PRKAA2: variants seen among roughly 807,000 people sequenced by gnomAD.
The protein encoded by PRKAA2 is 5'-AMP-activated protein kinase catalytic subunit alpha-2.
PRKAA2 carries 40 observed loss-of-function variants against 56.3 expected under a neutral mutation model. That is an observed-to-expected ratio of 0.71 (90% CI 0.55 to 0.92). The LOEUF is 0.92. Ranked by LOEUF, PRKAA2 falls within the 40% of genes least tolerant of loss-of-function variation. The pLI, the probability that PRKAA2 is intolerant of heterozygous loss-of-function variation, is 0.00. For synonymous variants in PRKAA2, 214 were observed against 234.2 expected, an observed-to-expected ratio of 0.91 and a Z score of 0.79; for missense variants, 542 against 686.9, an observed-to-expected ratio of 0.79 and a Z score of 2.36.
At chr1:56,686,048 T>A (rs1483807512) in intron 2 of PRKAA2, among the ~76,000 whole-genome samples, 1 of 152,206 alleles carries the variant, frequency 6.6e-6, no homozygotes, top group East Asian at 1.9e-4. Context: ...CAATGTGAAA[T>A]GATGACTGAA....
chr1:56,655,280 A>ATATATTTTTTTT, intron 1 of PRKAA2, among the ~76,000 whole-genome samples: 40 of 93,652 alleles, frequency 4.3e-4, no homozygotes, highest in South Asian at 4.2e-3. Context: ...ATATATATAT[A>ATATATTTTTTTT]TTTTTTTTTT....
intron 1 of PRKAA2, among the ~76,000 whole-genome samples, chr1:56,666,833 C>A (rs1644039751): frequency 6.6e-6 from 1 of 152,108 alleles, no homozygotes; most frequent in African/African-American, 2.4e-5. Context: ...ATTCTGATTA[C>A]CTTCTTACTC....
chr1:56,696,247 G>A, intron 6 of PRKAA2, 88 bp downstream of exon 6: 1 of 1,248,600 alleles, frequency 8.0e-7, no homozygotes, highest in Non-Finnish European at 1.1e-6. Flanking sequence ...CTCATTTCCT[G>A]CCCTCACCAC....
chr1:56,671,622 A>G (rs1207034151), intron 1 of PRKAA2, among the ~76,000 whole-genome samples: 1 of 152,228 alleles, frequency 6.6e-6, no homozygotes, highest in Admixed American at 6.5e-5. Flanking sequence ...TGCAAAAGTT[A>G]TTAAGATAAA....
chr1:56,695,278 A>G (rs1470531408), intron 5 of PRKAA2, among the ~76,000 whole-genome samples: 1 of 151,000 alleles, frequency 6.6e-6, no homozygotes, highest in Non-Finnish European at 1.5e-5. Flanking sequence ...TCACTGTACC[A>G]CCTCCTGGGC....
chr1:56,675,231 C>T (rs975158057), intron 2 of PRKAA2, among the ~76,000 whole-genome samples: 5 of 152,104 alleles, frequency 3.3e-5, no homozygotes, highest in African/African-American at 7.2e-5. Context: ...GAAAATGTAA[C>T]GTGCTAGACA....
chr1:56,691,594 G>A, intron 3 of PRKAA2, 107 bp downstream of exon 3: 2 of 752,464 alleles, frequency 2.7e-6, no homozygotes, highest in Non-Finnish European at 2.0e-6. Flanking sequence ...TTGCTTTTAT[G>A]GTAGTGCTCA....
Position 56,674,392 on chromosome 1 carries a change from C to T in PRKAA2, c.106C>T (p.Gln36Ter). Residue 36 changes from glutamine to a stop codon, truncating the protein, a stop_gained, in exon 2 of 9, where the codon CAA (glutamine) becomes TAA (stop). Coordinates refer to ENST00000371244, the MANE Select transcript of PRKAA2 (RefSeq NM_006252.4). LOFTEE classifies it high-confidence loss of function. ...TFGKVKIGEH[Q>*]LTGHKVAVKI... ...TTTCTTTTCTTTAGTTGGAGAACAT[C>T]AATTAACAGGCCATAAAGTGGCAGT... 1.3e-6 allele frequency: 2 copies of T among 1,552,904 alleles called. No homozygotes were observed. Among genetic ancestry groups the T allele is most frequent in the Non-Finnish European group, 1.7e-6 (2 of 1,154,900 alleles).
chr1:56,664,448 T>C (rs1644018812), intron 1 of PRKAA2, among the ~76,000 whole-genome samples: 1 of 147,764 alleles, frequency 6.8e-6, no homozygotes, highest in African/African-American at 2.5e-5. Flanking sequence ...ATTTTTTAAA[T>C]ATTTTTCTTT....
intron 2 of PRKAA2, among the ~76,000 whole-genome samples, chr1:56,687,690 A>G (rs553337709): frequency 1.3e-5 from 2 of 152,216 alleles, no homozygotes; most frequent in Non-Finnish European, 2.9e-5. Context: ...CTACATTTCT[A>G]TGTAACTGAG....
intron 2 of PRKAA2, among the ~76,000 whole-genome samples, chr1:56,676,513 C>A (rs184316574): frequency 7.0e-4 from 107 of 152,298 alleles, no homozygotes; most frequent in Non-Finnish European, 8.7e-4. Context: ...CACAGCTCTG[C>A]TGGCACCTTG....
At chr1:56,664,898 A>G (rs1324541345) in intron 1 of PRKAA2, among the ~76,000 whole-genome samples, 4 of 151,790 alleles carry the variant, frequency 2.6e-5, no homozygotes, top group Non-Finnish European at 2.9e-5. Flanking sequence ...ACACATATAT[A>G]CATACATACA....
At chr1:56,686,678 A>G (rs1018509823) in intron 2 of PRKAA2, among the ~76,000 whole-genome samples, 4 of 152,104 alleles carry the variant, frequency 2.6e-5, no homozygotes, top group African/African-American at 4.8e-5. Context: ...GAACTGAGCA[A>G]GAATTCACTT....
intron 2 of PRKAA2, among the ~76,000 whole-genome samples, chr1:56,678,159 T>C (rs1644126890): frequency 6.6e-6 from 1 of 152,264 alleles, no homozygotes; most frequent in Admixed American, 6.5e-5. Flanking sequence ...AACTTTTGGC[T>C]TCCAGCCTTG....
rs980952051 is a variant in PRKAA2, at chr1:56,711,308, A to G, written c.*3595A>G. The G allele has an allele frequency of 2.6e-5, 4 of 152,122 alleles. No individual in the cohort carries two copies. Among genetic ancestry groups the G allele is most frequent in the Admixed American group, 6.6e-5 (1 of 15,262 alleles). The allele number at this position is 152,122 out of a possible 1,614,324, so 9.4% of individuals were successfully genotyped here. A position where few individuals can be genotyped will look rare whatever the true frequency, so the allele number is the denominator to read the frequency against. ...TTAAATGAGACATAGTTTAGAAAAA[A>G]TCATAAGCAACTATTGTAGATTTTT... On this transcript the variant is annotated 3_prime_UTR_variant, in exon 9 of 9. Transcript: ENST00000371244.
In PRKAA2 at chr1:56,706,114, G is replaced by C; in HGVS notation, c.1316G>C (p.Arg439Pro). 1 of 1,610,480 alleles carries C rather than the reference G, an allele frequency of 6.2e-7. No homozygotes were observed. Among genetic ancestry groups the C allele is most frequent in the Non-Finnish European group, 8.5e-7 (1 of 1,177,190 alleles). Residue 439 changes from arginine to proline, a missense_variant, in exon 8 of 9, where the codon CGT (arginine) becomes CCT (proline). By Grantham distance (103) the Arg-to-Pro change is moderately radical (BLOSUM62 -2). Transcript: ENST00000371244. Reference sequence around the variant, plus strand: ...TAGGTAGTGAATGCATACCATCTTCGTGTAAGAAGAAAAAATCCAGTGACT... The same window carrying C: ...TAGGTAGTGAATGCATACCATCTTCCTGTAAGAAGAAAAAATCCAGTGACT... The part of the protein sequence containing the change: ...EWKVVNAYHL[R>P]VRRKNPVTGN...
rs552836771 is a variant in PRKAA2 at position 56,647,354 on chromosome 1, T to C, written c.94+1873T>C. Among the ~76,000 whole-genome samples the C allele has an allele frequency of 1.4e-4, 22 of 152,358 alleles. No individual in the cohort carries two copies. The East Asian group carries it at 4.2e-3, about 29-fold the overall frequency. ...CAAAGTTATATAACTTAACCCTATG[T>C]CCTTTCATATTGTGTTAAAAGTTTT... On this transcript the variant is annotated intron_variant, in intron 1 of 8. Transcript: ENST00000371244.
At chr1:56,697,962 ATACTT>A (rs1413213448) in intron 6 of PRKAA2, among the ~76,000 whole-genome samples, 4 of 151,844 alleles carry the variant, frequency 2.6e-5, no homozygotes, top group Non-Finnish European at 4.4e-5. Context: ...ATTCATCTCT[ATACTT>A]TAATATGATA....
At chr1:56,681,113 G>C (rs912443476) in intron 2 of PRKAA2, among the ~76,000 whole-genome samples, 29 of 152,344 alleles carry the variant, frequency 1.9e-4, no homozygotes, top group African/African-American at 7.0e-4. Flanking sequence ...GGCCAGTGAT[G>C]ATGAGCATTT....
Sources: allele counts gnomAD v4.1 joint callset (sites outside exome capture counted in the v4.1 genomes callset), GRCh38; gene constraint gnomAD v4.1.1; transcripts MANE v1.5; gene names NCBI Gene and HGNC (gene_info 2026-07-23, HGNC 2026-07-21).